Variants in ZNF257 observed in about 807,000 individuals in gnomAD.
ZNF257 encodes bone marrow zinc finger 4.
In ZNF257, 12 loss-of-function variants were observed where a neutral mutation model predicts 11.9. That is an observed-to-expected ratio of 1.01 (90% CI 0.65 to 1.63). The LOEUF is 1.63. Ranked by LOEUF, ZNF257 falls within the 40% of genes most tolerant of loss-of-function variation. ZNF257 has a pLI of 0.00. For synonymous variants in ZNF257, 183 were observed against 222.7 expected (o/e 0.82, Z 1.59); for missense variants, 580 against 665.5 (o/e 0.87, Z 1.41).
At chr19:22,071,820 A>G (rs1361573055) in intron 1 of ZNF257, among the ~76,000 whole-genome samples, 1 of 152,160 alleles carries the variant, frequency 6.6e-6, no homozygotes, top group Non-Finnish European at 1.5e-5. Context: ...GTTCTTAAAA[A>G]AGATGGAAAA....
chr19:22,073,977 G>T (rs2022169296), intron 3 of ZNF257, among the ~76,000 whole-genome samples: 1 of 151,914 alleles, frequency 6.6e-6, no homozygotes, highest in East Asian at 1.9e-4. Flanking sequence ...CTGTTCCATT[G>T]AATTTTTTAA....
At chr19:22,078,486 T>C (rs1465962097) in intron 3 of ZNF257, among the ~76,000 whole-genome samples, 2 of 152,072 alleles carry the variant, frequency 1.3e-5, no homozygotes, top group Non-Finnish European at 2.9e-5. Context: ...ACTCCTATCA[T>C]GTGATTTGCA....
At chr19:22,079,401 C>T (rs1568487635) in intron 3 of ZNF257, among the ~76,000 whole-genome samples, 1 of 152,110 alleles carries the variant, frequency 6.6e-6, no homozygotes, top group East Asian at 1.9e-4. Context: ...TGTTCTCATG[C>T]TACTAATAAG....
intron 1 of ZNF257, among the ~76,000 whole-genome samples, chr19:22,072,521 A>G (rs1453051334): frequency 6.6e-6 from 1 of 152,134 alleles, no homozygotes; most frequent in African/African-American, 2.4e-5. Flanking sequence ...TCAGAAACAG[A>G]CTTTCTATAA....
At chr19:22,075,762 G>A (rs1479157517) in intron 3 of ZNF257, 1 of 152,240 alleles carries the variant, frequency 6.6e-6, no homozygotes, top group Non-Finnish European at 1.5e-5. Context: ...TTTGGAGATG[G>A]GGTCTTGCTA....
Position 22,089,665 on chromosome 19 carries a change from C to G in ZNF257, c.*223C>G, listed in dbSNP as rs10416163. The G allele has an allele frequency of 0.01, 12,029 of 1,151,714 alleles. 976 individuals are homozygous for G. The African/African-American group carries it at 0.17, about 16-fold the overall frequency. 71.3% of individuals were successfully genotyped at this position (1,151,714 alleles called of 1,614,324 possible). A position where few individuals can be genotyped will look rare whatever the true frequency, so the allele number is the denominator to read the frequency against. On this transcript the variant is annotated 3_prime_UTR_variant, in exon 4 of 4. Transcript: ENST00000594947. The stretch of plus-strand genomic sequence containing the variant: ...GGCATAGCCTCTTCCCAGTTCTCAA[C>G]TCTTACTAAACATGAGAACACATGT...
chr19:22,077,808 A>G (rs2022262100), intron 3 of ZNF257, among the ~76,000 whole-genome samples: 1 of 151,898 alleles, frequency 6.6e-6, no homozygotes, highest in South Asian at 2.1e-4. Context: ...ATTTTATGGT[A>G]ATTTTATTTT....
At chr19:22,086,003 T>G (rs1466404382) in intron 3 of ZNF257, among the ~76,000 whole-genome samples, 1 of 152,130 alleles carries the variant, frequency 6.6e-6, no homozygotes, top group Non-Finnish European at 1.5e-5. Flanking sequence ...TGTTTTTTAA[T>G]GAATCCCTTT....
chr19:22,072,983 AT>A, intron 2 of ZNF257, 48 bp downstream of exon 2: 1 of 1,447,942 alleles, frequency 6.9e-7, no homozygotes, highest in Non-Finnish European at 9.0e-7. Flanking sequence ...CAAAGGCTTT[AT>A]TTTTTATTTA....
At chr19:22,083,507 C>T (rs2022405051) in intron 3 of ZNF257, among the ~76,000 whole-genome samples, 1 of 152,022 alleles carries the variant, frequency 6.6e-6, no homozygotes, top group Non-Finnish European at 1.5e-5. Flanking sequence ...CTTCTAGCTA[C>T]TATTGTTCAT....
intron 3 of ZNF257, among the ~76,000 whole-genome samples, chr19:22,078,256 A>AAAC (rs1555761274): frequency 2.6e-5 from 4 of 150,994 alleles, no homozygotes; most frequent in African/African-American, 9.7e-5. Flanking sequence ...AAAAAAAAAA[A>AAAC]AATTATAGTG....
In ZNF257 at chr19:22,069,475, C is replaced by T. The variant is rs183553741; in HGVS notation, c.4-3334C>T. Among the ~76,000 whole-genome samples, 523 of 151,950 alleles carry T rather than the reference C, an allele frequency of 3.4e-3. 7 individuals carry two copies. Among genetic ancestry groups the T allele is most frequent in the Non-Finnish European group, 4.3e-3 (291 of 67,966 alleles). ...TAAAAAAAATAAAAAATTAGCTGGG[C>T]GTGGTGGTGGGCGCCTGTAATCCCA... is the stretch of plus-strand genomic sequence containing the variant. On this transcript the variant is annotated intron_variant, in intron 1 of 3. Transcript: ENST00000594947.
chr19:22,087,166 T>C (rs2145719686), intron 3 of ZNF257, among the ~76,000 whole-genome samples: 1 of 152,120 alleles, frequency 6.6e-6, no homozygotes, highest in East Asian at 1.9e-4. Flanking sequence ...AATTTCATGA[T>C]TTGTTTGATG....
intron 3 of ZNF257, among the ~76,000 whole-genome samples, chr19:22,083,889 C>T (rs990968155): frequency 2.0e-5 from 3 of 152,056 alleles, no homozygotes; most frequent in African/African-American, 7.3e-5. Flanking sequence ...CCTGTAATCC[C>T]AGCACTTTGG....
chr19:22,084,801 G>A (rs372311436), intron 3 of ZNF257, among the ~76,000 whole-genome samples: 13 of 149,206 alleles, frequency 8.7e-5, no homozygotes, highest in Admixed American at 2.0e-4. Context: ...GAGTGATCTC[G>A]GCTAACTAAC....
At chr19:22,073,688 C>T in intron 3 of ZNF257, 124 bp downstream of exon 3, 1 of 1,287,876 alleles carries the variant, frequency 7.8e-7, no homozygotes, top group South Asian at 1.6e-5. Flanking sequence ...TTTCTGGAAG[C>T]CTGAGTTTGC....
chr19:22,069,731 C>T (rs527816065), intron 1 of ZNF257, among the ~76,000 whole-genome samples: 2 of 131,278 alleles, frequency 1.5e-5, no homozygotes, highest in African/African-American at 5.7e-5. Flanking sequence ...GCTAAGAATA[C>T]TTATTTATCT....
chr19:22,088,437 C>T lies in ZNF257; in HGVS notation c.687C>T (p.Tyr229=). The T allele has an allele frequency of 1.2e-6, 2 of 1,613,680 alleles. No homozygotes were observed. The highest frequency in any genetic ancestry group is 1.7e-6 in the Non-Finnish European group (2 of 1,179,834). Residue 229 remains tyrosine, a synonymous_variant, in exon 4 of 4, where the codon TAC becomes TAT. Transcript: ENST00000594947. ...TGACTCATACTGGAGAGAAACCCTA[C>T]AAATGTGAAGAGTGTGGAAAAGCTT... The part of the protein sequence containing the change: ...HKMTHTGEKP[Y]KCEECGKAFN...
intron 1 of ZNF257, among the ~76,000 whole-genome samples, chr19:22,057,916 T>C (rs1961114914): frequency 6.6e-6 from 1 of 152,144 alleles, no homozygotes; most frequent in South Asian, 2.1e-4. Context: ...CCAGCCATCA[T>C]GTCTGGCTAA....
Sources: allele counts gnomAD v4.1 joint callset (sites outside exome capture counted in the v4.1 genomes callset), GRCh38; gene constraint gnomAD v4.1.1; transcripts MANE v1.5; gene names NCBI Gene and HGNC (gene_info 2026-07-23, HGNC 2026-07-21).